Variants in SEMA4B observed in about 807,000 individuals in gnomAD.
SEMA4B encodes semaphorin 4B.
A neutral mutation model predicts 88.1 loss-of-function variants in SEMA4B; 55 were observed. The ratio of observed to expected loss-of-function variants is 0.62; its 90% CI spans 0.50 to 0.78. The LOEUF is 0.78. Among genes scored for constraint, SEMA4B ranks in the 30% least tolerant of loss-of-function variants. The probability of loss-of-function intolerance (pLI) is 0.00; values close to 1 mark genes in which losing one functional copy is unlikely to be tolerated. For synonymous variants in SEMA4B, 525 were observed against 473.6 expected (o/e 1.11, Z -1.41); for missense variants, 1,062 against 1,111.9 (o/e 0.96, Z 0.64).
chr15:90,225,768 T>C lies in SEMA4B; in HGVS notation c.1629T>C (p.Cys543=). The change falls in exon 12 of 14, where the codon TGT becomes TGC. Residue 543 remains cysteine (C), a synonymous_variant. Coordinates refer to ENST00000411539, the MANE Select transcript of SEMA4B (RefSeq NM_198925.4). ...GCCTCCTCGCCCGGGACCCCTACTG[T>C]GCTTGGAGCGGCTCCAGCTGCAAGC... is the stretch of plus-strand genomic sequence containing the variant. ...GDCLLARDPY[C]AWSGSSCKHV... The C allele has an allele frequency of 1.3e-6, 2 of 1,572,898 alleles. No homozygotes were observed.
At chr15:90,190,220 G>GT (rs1277874793) in intron 1 of SEMA4B, 1 of 152,288 alleles carries the variant, frequency 6.6e-6, no homozygotes, top group African/African-American at 2.4e-5. Flanking sequence ...TCAGCTTTCT[G>GT]TGAGTGTTGT....
rs577435770 is a variant in SEMA4B at position 90,186,769 on chromosome 15, T to TA, written c.-122+1693dup. ...TAACACAGTGAAACCCCGTCTCTAC[T>TA]AAAAATACAAAAAATTAGCCAGACG... is the stretch of plus-strand genomic sequence containing the variant. On this transcript the variant is annotated intron_variant, in intron 1 of 14. Transcript: ENST00000332496. Among the ~76,000 whole-genome samples, 259 of 152,048 alleles carry TA rather than the reference T, an allele frequency of 1.7e-3. 1 individual carries two copies. The highest frequency in any genetic ancestry group is 0.014 in the Middle Eastern group (4 of 294).
At chr15:90,220,367 C>CTTTTTTTTTTTTTTTTTT (rs1320090623) in intron 4 of SEMA4B, 1 of 125,272 alleles carries the variant, frequency 8.0e-6, no homozygotes, top group African/African-American at 3.4e-5. Context: ...TTTTTCTTTT[C>CTTTTTTTTTTTTTTTTTT]TTTTTTTTTT....
At chr15:90,207,081 G>C (rs1961029000) in intron 1 of SEMA4B, 1 of 316,982 alleles carries the variant, frequency 3.2e-6, no homozygotes, top group South Asian at 3.0e-5. Context: ...GGAACACTAA[G>C]GGGTGGCTCC....
chr15:90,228,862 A>G lies in SEMA4B; in HGVS notation c.*219A>G. 1.6e-6 allele frequency: 1 copy of G among 613,916 alleles called. No homozygotes were observed. Among genetic ancestry groups the G allele is most frequent in the Admixed American group, 3.1e-5 (1 of 32,578 alleles). The allele number at this position is 613,916 out of a possible 1,614,324, so 38.0% of individuals were successfully genotyped here. ...CCGTGGCCCCAGAGGTCCTGGCCAA[A>G]TATGGGGGCCTGCCTAGGTTGGTGG... On this transcript the variant is annotated 3_prime_UTR_variant, in exon 14 of 14. Transcript: ENST00000411539.
At chr15:90,209,170 A>G (rs1398934847) in intron 1 of SEMA4B, among the ~76,000 whole-genome samples, 1 of 152,172 alleles carries the variant, frequency 6.6e-6, no homozygotes, top group Admixed American at 6.5e-5. Context: ...TTTATGGAAC[A>G]ACTGCTGGGA....
At chr15:90,213,247 C>T (rs1961360152) in intron 1 of SEMA4B, among the ~76,000 whole-genome samples, 1 of 152,144 alleles carries the variant, frequency 6.6e-6, no homozygotes, top group Non-Finnish European at 1.5e-5. Context: ...CCTGGTGGCA[C>T]ACAGCCAGTA....
chr15:90,187,522 A>G (rs554659208), intron 1 of SEMA4B, among the ~76,000 whole-genome samples: 1 of 152,314 alleles, frequency 6.6e-6, no homozygotes, highest in Admixed American at 6.5e-5. Flanking sequence ...TGTGTAAGTG[A>G]GTATTTCACT....
chr15:90,201,617 C>T lies in SEMA4B; in HGVS notation c.39C>T (p.Ala13=), dbSNP rs756082996. The T allele has an allele frequency of 4.6e-5, 70 of 1,517,818 alleles. No homozygotes were observed. In the African/African-American group the frequency reaches 8.2e-4, roughly 18 times the overall value. 94.0% of individuals were successfully genotyped at this position (1,517,818 alleles called of 1,614,324 possible). Residue 13 remains alanine, a synonymous_variant, in exon 1 of 14, where the codon GCC becomes GCT. Coordinates refer to ENST00000411539, the MANE Select transcript of SEMA4B (RefSeq NM_198925.4). ...CGATGGGCCTGAGGAGCTGGCTCGCCGCCCCATGGGGCGCGCTGCCGCCTC... is the reference window on the plus strand; with the variant it reads ...CGATGGGCCTGAGGAGCTGGCTCGCTGCCCCATGGGGCGCGCTGCCGCCTC... ...RTAMGLRSWL[A]APWGALPPRP...
intron 1 of SEMA4B, among the ~76,000 whole-genome samples, chr15:90,185,478 C>A (rs1960136889): frequency 6.6e-6 from 1 of 152,250 alleles, no homozygotes; most frequent in Non-Finnish European, 1.5e-5. Context: ...CTTCTTTCTT[C>A]TCACTGAGCA....
intron 1 of SEMA4B, chr15:90,206,757 A>C (rs905062673): frequency 1.3e-6 from 1 of 765,854 alleles, no homozygotes; most frequent in African/African-American, 1.7e-5. Context: ...GTGTATGTCA[A>C]GTTGGTGGAA....
chr15:90,227,929 G>A lies in SEMA4B; in HGVS notation c.1800G>A (p.Gln600=), dbSNP rs1445657197. Residue 600 remains glutamine, a synonymous_variant, in exon 14 of 14, where the codon CAG becomes CAA. Transcript: ENST00000411539. The part of the protein sequence containing the change: ...PTGEKPCEQV[Q]FQPNTVNTLA... Reference sequence around the variant, plus strand: ...GGGAGAAGCCATGTGAGCAAGTCCAGTTCCAGCCCAACACAGTGAACACTT... The same window carrying A: ...GGGAGAAGCCATGTGAGCAAGTCCAATTCCAGCCCAACACAGTGAACACTT... 1.2e-6 allele frequency: 2 copies of A among 1,613,034 alleles called. No homozygotes were observed. The highest frequency in any genetic ancestry group is 1.3e-5 in the African/African-American group (1 of 75,040).
In SEMA4B at chr15:90,212,643, T is replaced by TACACAC. The variant is rs3029937; in HGVS notation, c.158-4777_158-4772dup. 2.8e-3 allele frequency among the ~76,000 whole-genome samples: 423 copies of TACACAC among 150,028 alleles called. 1 individual carries two copies. Among genetic ancestry groups the TACACAC allele is most frequent in the African/African-American group, 9.2e-3 (376 of 40,956 alleles). Reference sequence around the variant, plus strand: ...CGTGGACAAGCCCTGCGGTACCGTGTACACACACACACACACACACACACC... The same window carrying TACACAC: ...CGTGGACAAGCCCTGCGGTACCGTGTACACACACACACACACACACACACACACACC... On this transcript the variant is annotated intron_variant, in intron 1 of 13. Coordinates refer to ENST00000411539, the MANE Select transcript of SEMA4B (RefSeq NM_198925.4). This position sits in a 1 kb window ranked among gnomAD's most constrained non-coding sequence, Gnocchi z 4.0.
chr15:90,209,896 G>A (rs915666063), intron 1 of SEMA4B, among the ~76,000 whole-genome samples: 1 of 152,308 alleles, frequency 6.6e-6, no homozygotes, highest in Non-Finnish European at 1.5e-5. Context: ...GTGGGTGGGT[G>A]GCAAGCACTA....
chr15:90,204,726 G>A (rs901902934), intron 1 of SEMA4B, among the ~76,000 whole-genome samples: 2 of 152,106 alleles, frequency 1.3e-5, no homozygotes, highest in Non-Finnish European at 2.9e-5. Context: ...CTCCTCTCAT[G>A]GCCCTCCAAA....
chr15:90,201,013 C>T (rs1960684373), upstream of SEMA4B, among the ~76,000 whole-genome samples: 1 of 152,210 alleles, frequency 6.6e-6, no homozygotes, highest in Admixed American at 6.5e-5. Context: ...CCCCCTAACT[C>T]CCTAGGCGCA....
chr15:90,195,213 C>T (rs182338064), intron 1 of SEMA4B, among the ~76,000 whole-genome samples: 5 of 152,162 alleles, frequency 3.3e-5, no homozygotes, highest in Admixed American at 2.6e-4. Flanking sequence ...CCCACCTCAG[C>T]CTTTCAAGTA....
intron 1 of SEMA4B, among the ~76,000 whole-genome samples, chr15:90,189,925 G>A (rs1960295054): frequency 6.6e-6 from 1 of 152,234 alleles, no homozygotes. Flanking sequence ...TCATAGAAGA[G>A]GTGGCTGGGA....
chr15:90,210,054 G>A (rs186246968), intron 1 of SEMA4B, among the ~76,000 whole-genome samples: 1 of 152,358 alleles, frequency 6.6e-6, no homozygotes, highest in African/African-American at 2.4e-5. Flanking sequence ...GCCTAGGTGA[G>A]AGAGGATGGT....
Sources: allele counts gnomAD v4.1 joint callset (sites outside exome capture counted in the v4.1 genomes callset), GRCh38; gene constraint gnomAD v4.1.1; non-coding constraint Gnocchi (gnomAD v3.1); transcripts MANE v1.5; gene names NCBI Gene and HGNC (gene_info 2026-07-23, HGNC 2026-07-21).